Variants in ITGB8 observed in about 807,000 individuals in gnomAD.
ITGB8 encodes the protein integrin beta-8.
ITGB8 carries 30 observed loss-of-function variants against 89.5 expected under a neutral mutation model. That is an observed-to-expected ratio of 0.34 (90% confidence interval 0.25 to 0.45). The LOEUF is 0.45. Ranked by LOEUF, ITGB8 falls within the 20% of genes least tolerant of loss-of-function variation. ITGB8 has a pLI of 1.00. For missense variants in ITGB8, 836 were observed against 933.3 expected (o/e 0.90, Z 1.36); for synonymous variants, 335 against 320.4 (o/e 1.05, Z -0.49).
intron 3 of ITGB8, among the ~76,000 whole-genome samples, chr7:20,368,062 C>T (rs561606251): frequency 1.3e-5 from 2 of 152,260 alleles, no homozygotes; most frequent in South Asian, 4.1e-4. Context: ...GACACACTCC[C>T]TTCCCCATTC....
Position 20,331,784 on chromosome 7 carries a change from C to A in ITGB8, c.-23C>A, listed in dbSNP as rs769611576. 1 of 1,603,940 alleles carries A rather than the reference C, an allele frequency of 6.2e-7. No individual in the cohort carries two copies. The highest frequency in any genetic ancestry group is 2.3e-5 in the East Asian group (1 of 44,422). ...GTCCGGAAGGCAGTCAGGCGGCGGG[C>A]GCGGGGCGGGCTGTTTTGCATTATG... On this transcript the variant is annotated 5_prime_UTR_variant, in exon 1 of 14. Transcript: ENST00000222573.
rs1264389452 is a variant in ITGB8 at position 20,410,510 on chromosome 7, A to C, written c.*513A>C. Reference sequence around the variant, plus strand: ...TAGATGAATAAATGATTCGTGTTTCACTCTTTCAAGAGGTGAACAGATACA... The same window carrying C: ...TAGATGAATAAATGATTCGTGTTTCCCTCTTTCAAGAGGTGAACAGATACA... On this transcript the variant is annotated 3_prime_UTR_variant, in exon 14 of 14. Transcript: ENST00000222573. 2 of 153,344 alleles carry C rather than the reference A, an allele frequency of 1.3e-5. No homozygotes were observed. The highest frequency in any genetic ancestry group is 4.8e-5 in the African/African-American group (2 of 41,438). The allele number at this position is 153,344 out of a possible 1,614,324, so 9.5% of individuals were successfully genotyped here.
At chr7:20,383,648 C>T (rs80207680) in intron 6 of ITGB8, among the ~76,000 whole-genome samples, 2,857 of 152,188 alleles carry the variant, frequency 0.019, 49 homozygotes, top group Non-Finnish European at 0.027. Flanking sequence ...TACTATTGCT[C>T]ATCTAGGGAG....
chr7:20,381,872 A>G lies in ITGB8; in HGVS notation c.947A>G (p.Lys316Arg). 1 of 1,611,788 alleles carries G rather than the reference A, an allele frequency of 6.2e-7. No individual in the cohort carries two copies. Among genetic ancestry groups the G allele is most frequent in the Non-Finnish European group, 8.5e-7 (1 of 1,179,274 alleles). Residue 316 changes from lysine (K) to arginine (R), a missense_variant, in exon 6 of 14, where the codon AAA becomes AGA. Coordinates refer to ENST00000222573, the MANE Select transcript of ITGB8 (RefSeq NM_002214.3). ...CATCTGAAAAACAACGTCTATGTCAAATCGACAACCATGGTAATGCAGCAG... is the reference window on the plus strand; with the variant it reads ...CATCTGAAAAACAACGTCTATGTCAGATCGACAACCATGGTAATGCAGCAG... ...NCHLKNNVYV[K>R]STTMEHPSLG...
At chr7:20,406,015 C>T (rs1484374106) in intron 11 of ITGB8, 47 bp from the exon 12 acceptor site, 6 of 1,108,962 alleles carry the variant, frequency 5.4e-6, no homozygotes, top group Non-Finnish European at 8.3e-6. Context: ...TTATAGTCCA[C>T]CACCTTTTTA....
In ITGB8 at chr7:20,410,123, C is replaced by A. The variant is rs758200927; in HGVS notation, c.*126C>A. 4.6e-6 allele frequency: 4 copies of A among 875,952 alleles called. 1 individual carries two copies. The highest frequency in any genetic ancestry group is 2.6e-5 in the Admixed American group (1 of 37,932). The allele number at this position is 875,952 out of a possible 1,614,324, so 54.3% of individuals were successfully genotyped here. A position where few individuals can be genotyped will look rare whatever the true frequency, so the allele number is the denominator to read the frequency against. ...TCATGCCAGTTGCTGGTTGTACACT[C>A]GAACGAAGACTGACAAGTATCCTCA... On this transcript the variant is annotated 3_prime_UTR_variant, in exon 14 of 14. Coordinates refer to ENST00000222573, the MANE Select transcript of ITGB8 (RefSeq NM_002214.3).
Position 20,415,157 on chromosome 7 carries a change from T to C in ITGB8, c.*5160T>C, listed in dbSNP as rs1787887683. The C allele has an allele frequency of 6.6e-6, 1 of 152,494 alleles. No homozygotes were observed. The allele number at this position is 152,494 out of a possible 1,614,324, so 9.4% of individuals were successfully genotyped here. A position where few individuals can be genotyped will look rare whatever the true frequency, so the allele number is the denominator to read the frequency against. ...TAAGAATATTGAGTATAAAGTACTT[T>C]AATTCTAAATTATAAGAAAATATAC... On this transcript the variant is annotated 3_prime_UTR_variant, in exon 14 of 14. Transcript: ENST00000222573.
At chr7:20,369,402 G>A (rs1785838162) in intron 3 of ITGB8, among the ~76,000 whole-genome samples, 1 of 152,110 alleles carries the variant, frequency 6.6e-6, no homozygotes, top group Non-Finnish European at 1.5e-5. Context: ...ATCCTGGCTT[G>A]CTACGTCCAC....
At chr7:20,402,506 A>G (rs377136989) in intron 10 of ITGB8, among the ~76,000 whole-genome samples, 7 of 152,106 alleles carry the variant, frequency 4.6e-5, no homozygotes, top group African/African-American at 1.2e-4. Flanking sequence ...ACTCCCTCCA[A>G]CTTGCTCAGA....
intron 11 of ITGB8, 34 bp downstream of exon 11, chr7:20,404,887 A>T (rs746553929): frequency 6.3e-7 from 1 of 1,584,488 alleles, no homozygotes; most frequent in African/African-American, 1.3e-5. Flanking sequence ...ATACACAAAG[A>T]ATAGCTACTT....
intron 6 of ITGB8, 85 bp from the exon 7 acceptor site, chr7:20,391,318 T>C: frequency 1.7e-6 from 1 of 601,484 alleles, no homozygotes; most frequent in Non-Finnish European, 2.8e-6. Context: ...TTTATGTAAG[T>C]CATACAGTTT....
rs777376884 is a variant in ITGB8, at chr7:20,404,871, C to G, written c.1913+18C>G. On this transcript the variant is annotated intron_variant, in intron 11 of 13. Transcript: ENST00000222573. ...GAAAACTGGTATGATTTCTTTGACT[C>G]CAAACATACACAAAGAATAGCTACT... 2 of 1,599,104 alleles carry G rather than the reference C, an allele frequency of 1.3e-6. No individual in the cohort carries two copies. The highest frequency in any genetic ancestry group is 2.7e-5 in the African/African-American group (2 of 74,820).
chr7:20,335,953 G>T (rs1274373383), intron 1 of ITGB8, among the ~76,000 whole-genome samples: 3 of 150,632 alleles, frequency 2.0e-5, no homozygotes, highest in African/African-American at 7.3e-5. Context: ...ATGTAGTAGT[G>T]GCTCAGGACC....
intron 3 of ITGB8, among the ~76,000 whole-genome samples, chr7:20,373,326 T>G (rs1012306839): frequency 4.6e-5 from 7 of 152,194 alleles, no homozygotes; most frequent in Non-Finnish European, 1.0e-4. Flanking sequence ...AGAAATAGAC[T>G]ATTGATCCTA....
chr7:20,404,404 C>T (rs571504918), intron 10 of ITGB8, among the ~76,000 whole-genome samples: 5 of 152,162 alleles, frequency 3.3e-5, no homozygotes, highest in Non-Finnish European at 5.9e-5. Flanking sequence ...TGCTTGTTAG[C>T]GGAGTGCATT....
At chr7:20,405,477 ATT>A (rs35951169) in intron 11 of ITGB8, among the ~76,000 whole-genome samples, 7 of 142,026 alleles carry the variant, frequency 4.9e-5, no homozygotes, top group Non-Finnish European at 6.2e-5. Context: ...CGCCGGGCTA[ATT>A]TTTTTTTTTT....
intron 1 of ITGB8, among the ~76,000 whole-genome samples, chr7:20,343,825 T>C (rs930513447): frequency 6.6e-6 from 1 of 152,240 alleles, no homozygotes; most frequent in African/African-American, 2.4e-5. Context: ...GATGTTTTAA[T>C]TAATTAAATT....
chr7:20,373,342 T>A (rs183099333), intron 3 of ITGB8, among the ~76,000 whole-genome samples: 12 of 152,320 alleles, frequency 7.9e-5, no homozygotes, highest in Admixed American at 6.5e-4. Context: ...TCCTAGTTGA[T>A]GTTCTCTAAG....
chr7:20,373,375 G>T (rs544899940), intron 3 of ITGB8, among the ~76,000 whole-genome samples: 1 of 151,938 alleles, frequency 6.6e-6, no homozygotes, highest in Non-Finnish European at 1.5e-5. Flanking sequence ...TAACTCTTTA[G>T]GAAAATAGGA....
Sources: gnomAD v4.1 joint callset for allele counts (sites outside exome capture counted in the v4.1 genomes callset) on GRCh38, gnomAD v4.1.1 for gene constraint, MANE v1.5 for transcripts, NCBI Gene and HGNC (gene_info 2026-07-23, HGNC 2026-07-21) for gene names.